The following NALF1 variants were observed in gnomAD, a reference collection of about 807,000 sequenced individuals.
NALF1 encodes NALCN channel auxiliary factor 1, also known as family with sequence similarity 155 member A.
NALF1 carries 3 observed loss-of-function variants against 48.4 expected under a neutral mutation model. That is an observed-to-expected ratio of 0.06 (90% CI 0.03 to 0.16). The LOEUF (loss-of-function observed/expected upper bound fraction) is 0.16, where lower values mean the gene tolerates loss of function less well. Ranked by LOEUF, NALF1 falls within the 10% of genes least tolerant of loss-of-function variation. The pLI, the probability that NALF1 is intolerant of heterozygous loss-of-function variation, is 1.00. For synonymous variants in NALF1, 262 were observed against 245.7 expected (o/e 1.07, Z -0.62); for missense variants, 526 against 571.5 (o/e 0.92, Z 0.81).
At chr13:107,426,302 G>A (rs998016826) in intron 1 of NALF1, among the ~76,000 whole-genome samples, 4 of 151,974 alleles carry the variant, frequency 2.6e-5, no homozygotes, top group African/African-American at 9.7e-5. Context: ...TTCTTTCCCT[G>A]TGTGTTCCTT....
In NALF1 at chr13:107,576,868, T is replaced by C. The variant is rs1353380094; in HGVS notation, c.915+288814A>G. Among the ~76,000 whole-genome samples, 6 of 152,190 alleles carry C rather than the reference T, an allele frequency of 3.9e-5. No homozygotes were observed. The East Asian group carries it at 1.2e-3, about 29-fold the overall frequency. ...GTAGGATTGACTTACCAATTGTTCC[T>C]ACTCTGTCAAAATCTTCTGCGAGCA... On this transcript the variant is annotated intron_variant, in intron 1 of 2. Transcript: ENST00000375915.
intron 1 of NALF1, among the ~76,000 whole-genome samples, chr13:107,705,951 G>A (rs1439788675): frequency 6.6e-6 from 1 of 152,106 alleles, no homozygotes; most frequent in Non-Finnish European, 1.5e-5. Flanking sequence ...AAGAGAGAGA[G>A]AGAGAGAAAG....
intron 1 of NALF1, among the ~76,000 whole-genome samples, chr13:107,214,814 T>A (rs1879838256): frequency 6.6e-6 from 1 of 152,168 alleles, no homozygotes; most frequent in African/African-American, 2.4e-5. Flanking sequence ...TTGAATCGAT[T>A]TTTCTCTTTT....
intron 1 of NALF1, among the ~76,000 whole-genome samples, chr13:107,854,261 C>T (rs534354387): frequency 3.9e-5 from 6 of 152,190 alleles, no homozygotes; most frequent in Admixed American, 6.5e-5. Flanking sequence ...TGAAACCTGC[C>T]ATACTTGGCC....
At chr13:107,713,485 A>G (rs1875662403) in intron 1 of NALF1, among the ~76,000 whole-genome samples, 1 of 152,204 alleles carries the variant, frequency 6.6e-6, no homozygotes, top group African/African-American at 2.4e-5. Flanking sequence ...AATCCTCACA[A>G]TAGCATTGTA....
At chr13:107,841,321 C>T (rs1594308060) in intron 1 of NALF1, among the ~76,000 whole-genome samples, 1 of 152,220 alleles carries the variant, frequency 6.6e-6, no homozygotes, top group East Asian at 1.9e-4. Flanking sequence ...AGAGACAGCC[C>T]TCTCGCTATG....
At chr13:107,795,993 T>C (rs1231471479) in intron 1 of NALF1, among the ~76,000 whole-genome samples, 2 of 152,190 alleles carry the variant, frequency 1.3e-5, no homozygotes, top group Non-Finnish European at 2.9e-5. Context: ...GCTTAAGGGA[T>C]CTCAGTGTTG....
Position 107,568,344 on chromosome 13 carries a change from T to C in NALF1, c.915+297338A>G, listed in dbSNP as rs969034453. Among the ~76,000 whole-genome samples, 4 of 152,354 alleles carry C rather than the reference T, an allele frequency of 2.6e-5. No homozygotes were observed. In the East Asian group the frequency reaches 7.7e-4, roughly 29 times the overall value. ...GGATATACCACATGGTGTTCAACCT[T>C]TCTCTCACTGAAAGACTTTTGAATC... On this transcript the variant is annotated intron_variant, in intron 1 of 2. Coordinates refer to ENST00000375915, the MANE Select transcript of NALF1 (RefSeq NM_001080396.3).
rs536260501 is a variant in NALF1, at chr13:107,719,436, T to TTG, written c.915+146244_915+146245dup. Among the ~76,000 whole-genome samples, 42 of 152,286 alleles carry TTG rather than the reference T, an allele frequency of 2.8e-4. No individual in the cohort carries two copies. The South Asian group carries it at 8.7e-3, about 32-fold the overall frequency. ...ATGTTCACCATTCTTCCTTCTACAG[T>TTG]TGTACTTTTTTTTCCACTGACACAA... On this transcript the variant is annotated intron_variant, in intron 1 of 2. Coordinates refer to ENST00000375915, the MANE Select transcript of NALF1 (RefSeq NM_001080396.3).
At chr13:107,816,684 A>T (rs2138611939) in intron 1 of NALF1, among the ~76,000 whole-genome samples, 2 of 152,304 alleles carry the variant, frequency 1.3e-5, no homozygotes, top group Middle Eastern at 3.4e-3. Flanking sequence ...TTTTATTGAC[A>T]ACAAAGCATA....
chr13:107,521,308 T>C (rs1210106094), intron 1 of NALF1, among the ~76,000 whole-genome samples: 2 of 152,154 alleles, frequency 1.3e-5, no homozygotes, highest in Non-Finnish European at 2.9e-5. Flanking sequence ...TTAAAACAAA[T>C]AGTAAATCCC....
chr13:107,393,625 G>C (rs1369870479), intron 1 of NALF1, among the ~76,000 whole-genome samples: 1 of 152,136 alleles, frequency 6.6e-6, no homozygotes, highest in African/African-American at 2.4e-5. Context: ...AAAAGACGGA[G>C]ACAATTAAAA....
At chr13:107,430,289 CTT>C (rs66808641) in intron 1 of NALF1, among the ~76,000 whole-genome samples, 6 of 150,052 alleles carry the variant, frequency 4.0e-5, no homozygotes, top group East Asian at 3.9e-4. Context: ...AATATTTTAA[CTT>C]TTTTTTTTAT....
intron 1 of NALF1, among the ~76,000 whole-genome samples, chr13:107,448,171 C>T (rs1179178704): frequency 1.3e-5 from 2 of 152,116 alleles, no homozygotes; most frequent in Admixed American, 1.3e-4. Context: ...GTCTTGACCC[C>T]ACTTTCCACA....
At chr13:107,558,515 G>A (rs951998276) in intron 1 of NALF1, among the ~76,000 whole-genome samples, 4 of 152,122 alleles carry the variant, frequency 2.6e-5, no homozygotes, top group African/African-American at 4.8e-5. Context: ...AAGAGCAACC[G>A]TGGTTGCCTA....
chr13:107,618,202 G>A (rs1879431493), intron 1 of NALF1, among the ~76,000 whole-genome samples: 1 of 152,094 alleles, frequency 6.6e-6, no homozygotes, highest in Non-Finnish European at 1.5e-5. Flanking sequence ...AGCTGAGATA[G>A]AAACCAGAAG....
intron 1 of NALF1, among the ~76,000 whole-genome samples, chr13:107,725,417 G>T (rs1876118725): frequency 6.6e-6 from 1 of 152,162 alleles, no homozygotes. Flanking sequence ...AGTAGAAAAA[G>T]TGAAGTAGGG....
At chr13:107,645,045 C>A (rs891620939) in intron 1 of NALF1, among the ~76,000 whole-genome samples, 25 of 152,238 alleles carry the variant, frequency 1.6e-4, no homozygotes, top group African/African-American at 5.5e-4. Context: ...ATTGCCACCA[C>A]TGATGAGCAT....
At chr13:107,582,360 A>C (rs1430992093) in intron 1 of NALF1, among the ~76,000 whole-genome samples, 5 of 152,228 alleles carry the variant, frequency 3.3e-5, no homozygotes, top group African/African-American at 1.2e-4. Flanking sequence ...TGACGCCAGA[A>C]ATACACGTGT....
Sources: gnomAD v4.1 joint callset for allele counts (sites outside exome capture counted in the v4.1 genomes callset) on GRCh38, gnomAD v4.1.1 for gene constraint, MANE v1.5 for transcripts, NCBI Gene and HGNC (gene_info 2026-07-23, HGNC 2026-07-21) for gene names.